Variants in TNK2 observed in about 807,000 individuals in gnomAD.
TNK2 encodes tyrosine kinase non receptor 2.
In TNK2, 83 loss-of-function variants were observed where a neutral mutation model predicts 101.8. The observed-to-expected ratio is 0.82, with a 90% CI of 0.68 to 0.98. TNK2 has a LOEUF of 0.98. Among genes scored for constraint, TNK2 ranks in the 50% least tolerant of loss-of-function variants. The pLI, the probability that TNK2 is intolerant of heterozygous loss-of-function variation, is 0.00. For synonymous variants in TNK2, 804 were observed against 633.0 expected (o/e 1.27, Z -4.06); for missense variants, 1,665 against 1,483.2 (o/e 1.12, Z -2.01).
chr3:195,906,371 C>G (rs547572787), intron 1 of TNK2, among the ~76,000 whole-genome samples: 56 of 152,308 alleles, frequency 3.7e-4, no homozygotes, highest in African/African-American at 1.3e-3. Flanking sequence ...GACTAACAAA[C>G]ACGTTCACAG....
Position 195,885,928 on chromosome 3 carries a change from G to T in TNK2, c.235-895C>A. 4.2e-6 allele frequency: 1 copy of T among 235,648 alleles called. No homozygotes were observed. Among genetic ancestry groups the T allele is most frequent in the Middle Eastern group, 1.7e-3 (1 of 600 alleles). The allele number at this position is 235,648 out of a possible 1,614,324, so 14.6% of individuals were successfully genotyped here. ...TGCCTCAAATCTGAGGGCCTCTTCT[G>T]GCCTCTGCCCTGTGCTTCCTCCCAG... On this transcript the variant is annotated intron_variant, in intron 3 of 15. Transcript: ENST00000672887. The surrounding 1 kb of genome is among the most constrained non-coding windows in gnomAD (Gnocchi z 4.7).
chr3:195,888,641 G>A lies in TNK2; in HGVS notation c.-18-35C>T. ...GAGGAGTGGCTCAGGGACAAGGGTT[G>A]TGGGGGGACAACAGGGGCCTGCCCG... On this transcript the variant is annotated intron_variant, in intron 1 of 15. Transcript: ENST00000672887. The surrounding 1 kb of genome is among the most constrained non-coding windows in gnomAD (Gnocchi z 5.3). 2.5e-6 allele frequency: 4 copies of A among 1,578,258 alleles called. No homozygotes were observed. Among genetic ancestry groups the A allele is most frequent in the Non-Finnish European group, 3.4e-6 (4 of 1,162,166 alleles).
At chr3:195,867,125 C>A (rs747050529) in intron 14 of TNK2, 44 bp downstream of exon 14, 5 of 1,609,114 alleles carry the variant, frequency 3.1e-6, no homozygotes, top group Non-Finnish European at 4.2e-6. Flanking sequence ...CAGAACCAGG[C>A]TTCAGGGTCC....
In TNK2 at chr3:195,868,360, G is replaced by A. The variant is rs553430752; in HGVS notation, c.1938C>T (p.Pro646=). The A allele has an allele frequency of 5.6e-6, 9 of 1,597,740 alleles. No homozygotes were observed. The highest frequency in any genetic ancestry group is 3.4e-5 in the Admixed American group (2 of 59,664). ...VVDWDARPLP[P]PPAYDDVAQD... ...GGGCCACGTCGTCATAGGCGGGCGG[G>A]GGGGGCAGCGGGCGTGCGTCCCAGT... The change falls in exon 13 of 16, where the codon CCC becomes CCT. Residue 646 remains proline, a synonymous_variant. Coordinates refer to ENST00000672887, the MANE Select transcript of TNK2 (RefSeq NM_001382273.1).
rs141068207 is a variant in TNK2, at chr3:195,898,272, T to A, written c.-18-9666A>T. Among the ~76,000 whole-genome samples the A allele has an allele frequency of 6.0e-3, 915 of 152,198 alleles. 5 individuals are homozygous for A. The highest frequency in any genetic ancestry group is 0.021 in the African/African-American group (867 of 41,512). On this transcript the variant is annotated intron_variant, in intron 1 of 15. Transcript: ENST00000672887. ...TCAGACTTCCTCCCAACGGTGACAA[T>A]GAGATCAGGAGTCAGGCAGATGGGG...
In TNK2 at chr3:195,883,195, G is replaced by T; in HGVS notation, c.571C>A (p.Arg191Ser). Residue 191 changes from arginine (R) to serine (S), a missense_variant, in exon 5 of 16, where the codon CGC (arginine) becomes AGC (serine). By Grantham distance (110) the Arg-to-Ser change is moderately radical. Around this residue, in one of 3 missense-constraint regions of TNK2, gnomAD observed 490 missense variants for 522.5 expected, o/e 0.94. Coordinates refer to ENST00000672887, the MANE Select transcript of TNK2 (RefSeq NM_001382273.1). ...GGCGTGAGCACCACCCCGTAGAGGC[G>T]GATGAGGTTTCGGTGGTCGAGCGAG... ...MHSLDHRNLI[R>S]LYGVVLTPPM... 6.2e-7 allele frequency: 1 copy of T among 1,609,558 alleles called. No individual in the cohort carries two copies.
chr3:195,868,630 G>C lies in TNK2; in HGVS notation c.1668C>G (p.Gly556=). The C allele has an allele frequency of 1.3e-6, 2 of 1,593,392 alleles. No individual in the cohort carries two copies. Among genetic ancestry groups the C allele is most frequent in the Non-Finnish European group, 8.5e-7 (1 of 1,177,672 alleles). The part of the protein sequence containing the change: ...DFKRLGLRKP[G]LPRGLWLAKP... Reference sequence around the variant, plus strand: ...TCGCCAGCCACAGCCCTCGGGGCAGGCCTGGCTTCCGCAGGCCCAGCCTCT... The same window carrying C: ...TCGCCAGCCACAGCCCTCGGGGCAGCCCTGGCTTCCGCAGGCCCAGCCTCT... Residue 556 remains glycine (G), a synonymous_variant, in exon 13 of 16, where the codon GGC becomes GGG. Transcript: ENST00000672887.
At chr3:195,900,246 G>A (rs1009599507) in intron 1 of TNK2, among the ~76,000 whole-genome samples, 4 of 152,010 alleles carry the variant, frequency 2.6e-5, no homozygotes, top group Non-Finnish European at 4.4e-5. Flanking sequence ...CCAGCTCACC[G>A]AGAGAGAGGA....
At chr3:195,869,391 CCA>C in intron 12 of TNK2, 104 bp downstream of exon 12, 2 of 1,053,238 alleles carry the variant, frequency 1.9e-6, no homozygotes, top group Non-Finnish European at 2.8e-6. Context: ...ACACACCCAC[CCA>C]CCTCCCCTCC....
chr3:195,904,815 C>T (rs1761562513), intron 1 of TNK2, among the ~76,000 whole-genome samples: 2 of 152,060 alleles, frequency 1.3e-5, no homozygotes, highest in South Asian at 2.1e-4. Flanking sequence ...GACTGATATA[C>T]CAAAAACTAC....
Position 195,882,115 on chromosome 3 carries a change from G to C in TNK2, c.823C>G (p.Arg275Gly). Residue 275 changes from arginine (R) to glycine (G), a missense_variant, in exon 6 of 16, where the codon CGA becomes GGA. Physicochemically the swap from Arg to Gly is moderately radical, Grantham distance 125. This residue lies in a region of TNK2 where 490 missense variants were observed against 522.5 expected (regional missense o/e 0.94). Coordinates refer to ENST00000672887, the MANE Select transcript of TNK2 (RefSeq NM_001382273.1). This position sits in a 1 kb window ranked among gnomAD's most constrained non-coding sequence, Gnocchi z 4.2. ...TGGTCGTCATTCTGAGGTAGTGCTC[G>C]CATCAGCCCAAAGTCCCCGATCTTG... The part of the protein sequence containing the change: ...LVKIGDFGLM[R>G]ALPQNDDHYV... 1 of 1,613,782 alleles carries C rather than the reference G, an allele frequency of 6.2e-7. No homozygotes were observed. The highest frequency in any genetic ancestry group is 8.5e-7 in the Non-Finnish European group (1 of 1,179,996).
In TNK2 at chr3:195,867,280, C is replaced by T; in HGVS notation, c.2938-16G>A. The T allele has an allele frequency of 6.2e-7, 1 of 1,612,262 alleles. No individual in the cohort carries two copies. ...TGGCCTGCAGCTGGGCACACCCACCCCTGTCAGCACCACTAGGGCCCACTG... is the reference window on the plus strand; with the variant it reads ...TGGCCTGCAGCTGGGCACACCCACCTCTGTCAGCACCACTAGGGCCCACTG... On this transcript the variant is annotated splice_polypyrimidine_tract_variant and intron_variant, in intron 13 of 15. Transcript: ENST00000672887.
rs1165095077 is a variant in TNK2 at position 195,872,437 on chromosome 3, T to C, written c.1290A>G (p.Thr430=). Residue 430 remains threonine, a synonymous_variant, in exon 10 of 16, where the codon ACA becomes ACG. Coordinates refer to ENST00000672887, the MANE Select transcript of TNK2 (RefSeq NM_001382273.1). ...GGAAGGGCCCCACACACAGCGTCCGTGTGTTCTGGCCACGCCACCAGTAGT... is the reference window on the plus strand; with the variant it reads ...GGAAGGGCCCCACACACAGCGTCCGCGTGTTCTGGCCACGCCACCAGTAGT... ...AENYWWRGQN[T]RTLCVGPFPR... 1.2e-6 allele frequency: 2 copies of C among 1,609,954 alleles called. No homozygotes were observed. The highest frequency in any genetic ancestry group is 1.7e-6 in the Non-Finnish European group (2 of 1,178,058).
intron 12 of TNK2, chr3:195,869,223 G>A: frequency 1.7e-6 from 1 of 589,036 alleles, no homozygotes; most frequent in East Asian, 2.8e-5. Context: ...GCAGAAGCCA[G>A]GGCCACACTC....
intron 9 of TNK2, among the ~76,000 whole-genome samples, chr3:195,873,430 G>C (rs1233348792): frequency 7.6e-6 from 1 of 132,432 alleles, no homozygotes; most frequent in African/African-American, 2.7e-5. Flanking sequence ...GGCGGGGGCG[G>C]TGAGAGCCCC....
At chr3:195,879,599 G>A (rs889706121) in intron 6 of TNK2, 3 of 173,130 alleles carry the variant, frequency 1.7e-5, no homozygotes, top group Admixed American at 1.7e-4. Flanking sequence ...TTCGGGTAGG[G>A]CCTGGGGAAG....
At chr3:195,873,433 AGAGCCCCGTGGGCAGTGTCTGGGCAG>A (rs2149353808) in intron 9 of TNK2, among the ~76,000 whole-genome samples, 1 of 126,516 alleles carries the variant, frequency 7.9e-6, no homozygotes, top group East Asian at 2.6e-4. Context: ...GGGGGCGGTG[AGAGCCCCGTGGGCAGTGTCTGGGCAG>A]GCGGGGGCGG....
Position 195,868,450 on chromosome 3 carries a change from G to A in TNK2, c.1848C>T (p.Asp616=), listed in dbSNP as rs530881380. ...QLAMDACSLL[D]ETPPQSPTRA... ...GCGTGGGGCTCTGAGGCGGGGTCTC[G>A]TCCAGCAGGGAGCAGGCGTCCATGG... Residue 616 remains aspartate (D), a synonymous_variant, in exon 13 of 16, where the codon GAC becomes GAT. Transcript: ENST00000672887. 120 of 1,562,988 alleles carry A rather than the reference G, an allele frequency of 7.7e-5. 1 individual carries two copies. The highest frequency in any genetic ancestry group is 4.0e-4 in the South Asian group (35 of 86,972).
rs897564539 is a variant in TNK2, at chr3:195,892,353, T to G, written c.-18-3747A>C. ...TCTTGCTTTCTGCCTCTCAGTCAAGTGCTGGTGCTGAGGAGCCCAACCAGT... is the reference window on the plus strand; with the variant it reads ...TCTTGCTTTCTGCCTCTCAGTCAAGGGCTGGTGCTGAGGAGCCCAACCAGT... On this transcript the variant is annotated intron_variant, in intron 1 of 15. Coordinates refer to ENST00000672887, the MANE Select transcript of TNK2 (RefSeq NM_001382273.1). 2.1e-6 allele frequency: 3 copies of G among 1,448,322 alleles called. No homozygotes were observed. In the Admixed American group the frequency reaches 6.7e-5, roughly 32 times the overall value. 89.7% of individuals were successfully genotyped at this position (1,448,322 alleles called of 1,614,324 possible). A position where few individuals can be genotyped will look rare whatever the true frequency, so the allele number is the denominator to read the frequency against.
Sources: allele counts gnomAD v4.1 joint callset (sites outside exome capture counted in the v4.1 genomes callset), GRCh38; gene constraint gnomAD v4.1.1; regional missense constraint gnomAD v4.1.1; non-coding constraint Gnocchi (gnomAD v3.1); transcripts MANE v1.5; gene names NCBI Gene and HGNC (gene_info 2026-07-23, HGNC 2026-07-21).